The following SAR1B variants were observed in gnomAD, a reference collection of about 807,000 sequenced individuals.
The protein encoded by SAR1B is small COPII coat GTPase SAR1B.
SAR1B carries 23 observed loss-of-function variants against 26.8 expected under a neutral mutation model. That is an observed-to-expected ratio of 0.86 (90% CI 0.62 to 1.22). The LOEUF (loss-of-function observed/expected upper bound fraction) is 1.22, where lower values mean the gene tolerates loss of function less well. SAR1B is among the 50% of genes most tolerant of loss of function. The probability of loss-of-function intolerance (pLI) is 0.00; values close to 1 mark genes in which losing one functional copy is unlikely to be tolerated. For missense variants in SAR1B, 196 were observed against 232.8 expected, an observed-to-expected ratio of 0.84 and a Z score of 1.03; for synonymous variants, 65 against 80.8, an observed-to-expected ratio of 0.80 and a Z score of 1.05.
chr5:134,624,065 G>T, intron 1 of SAR1B, 28 bp from the exon 2 acceptor site: 2 of 1,319,816 alleles, frequency 1.5e-6, no homozygotes, highest in Non-Finnish European at 2.2e-6. Context: ...GAATTTAGTA[G>T]TCAACATTAA....
chr5:134,606,744 G>C lies in SAR1B; in HGVS notation c.*206C>G. On this transcript the variant is annotated 3_prime_UTR_variant, in exon 7 of 7. Transcript: ENST00000402673. ...ACTGTAAAAACCAAGTACTTTTATG[G>C]AATTAGAAAGCTAACATTGTGATAC... 1 of 540,810 alleles carries C rather than the reference G, an allele frequency of 1.8e-6. No individual in the cohort carries two copies. Among genetic ancestry groups the C allele is most frequent in the African/African-American group, 1.9e-5 (1 of 52,530 alleles). The allele number at this position is 540,810 out of a possible 1,614,324, so 33.5% of individuals were successfully genotyped here.
At chr5:134,624,993 A>G (rs1765472002) in intron 1 of SAR1B, among the ~76,000 whole-genome samples, 1 of 152,150 alleles carries the variant, frequency 6.6e-6, no homozygotes. Context: ...AGAAGGAGAT[A>G]GTGGGATGGA....
At chr5:134,630,904 T>C (rs1202684967) in intron 1 of SAR1B, among the ~76,000 whole-genome samples, 1 of 142,494 alleles carries the variant, frequency 7.0e-6, no homozygotes, top group Non-Finnish European at 1.5e-5. Context: ...TTTTTTTTTT[T>C]TTTTTTTTTT....
Position 134,621,852 on chromosome 5 carries a change from T to G in SAR1B, c.59-800A>C, listed in dbSNP as rs369629140. On this transcript the variant is annotated intron_variant, in intron 2 of 6. Coordinates refer to ENST00000402673, the MANE Select transcript of SAR1B (RefSeq NM_016103.4). Reference sequence around the variant, plus strand: ...CCTGGGCTCAAGTGATCCTCCCACCTCAGCCTCCTGAGTAGCTGAGACTAC... The same window carrying G: ...CCTGGGCTCAAGTGATCCTCCCACCGCAGCCTCCTGAGTAGCTGAGACTAC... Among the ~76,000 whole-genome samples, 8 of 152,312 alleles carry G rather than the reference T, an allele frequency of 5.3e-5. No homozygotes were observed. In the South Asian group the frequency reaches 1.7e-3, roughly 32 times the overall value.
At chr5:134,608,325 T>C (rs1380289509) in intron 6 of SAR1B, 47 bp downstream of exon 6, 2 of 1,510,380 alleles carry the variant, frequency 1.3e-6, no homozygotes, top group East Asian at 2.5e-5. Flanking sequence ...AAGACATTTG[T>C]ACTGTAGAAT....
At chr5:134,607,191 G>A in intron 6 of SAR1B, 125 bp from the exon 7 acceptor site, 1 of 763,922 alleles carries the variant, frequency 1.3e-6, no homozygotes, top group East Asian at 2.6e-5. Context: ...CTGTGATAAA[G>A]TCGTGGCTGC....
chr5:134,619,622 C>T lies in SAR1B; in HGVS notation c.178+1311G>A, dbSNP rs533249415. Among the ~76,000 whole-genome samples, 9 of 152,162 alleles carry T rather than the reference C, an allele frequency of 5.9e-5. No homozygotes were observed. In the East Asian group the frequency reaches 1.7e-3, roughly 30 times the overall value. ...CAAGTGATTCTCCTGCCTCAGCCTCCCAAAGTGCTGGGATTACAGACATGA... is the reference window on the plus strand; with the variant it reads ...CAAGTGATTCTCCTGCCTCAGCCTCTCAAAGTGCTGGGATTACAGACATGA... On this transcript the variant is annotated intron_variant, in intron 3 of 6. Coordinates refer to ENST00000402673, the MANE Select transcript of SAR1B (RefSeq NM_016103.4).
chr5:134,630,889 C>CTTTTTTTTTTTTTTTTTTTTT (rs781218368), intron 1 of SAR1B, among the ~76,000 whole-genome samples: 1,376 of 69,114 alleles, frequency 0.02, 25 homozygotes, highest in Non-Finnish European at 0.026. Flanking sequence ...CTTTTTTTTT[C>CTTTTTTTTTTTTTTTTTTTTT]TTTTTTTTTT....
chr5:134,610,491 C>T (rs1303121321), intron 4 of SAR1B, among the ~76,000 whole-genome samples: 2 of 149,450 alleles, frequency 1.3e-5, no homozygotes, highest in Admixed American at 6.8e-5. Context: ...CACCTGAACC[C>T]GGGAGGTGGA....
At position 134,612,908 on chromosome 5, in the gene SAR1B, C is replaced by T. The variant is rs1469334914; in HGVS notation, c.179-152G>A. ...TTAGAAGCAAAATTGATTCAAAGAC[C>T]CGTGCTAACATTCTTAAATATCTGC... On this transcript the variant is annotated intron_variant, in intron 3 of 6. Coordinates refer to ENST00000402673, the MANE Select transcript of SAR1B (RefSeq NM_016103.4). The T allele has an allele frequency of 2.1e-5, 14 of 666,068 alleles. No individual in the cohort carries two copies. In the East Asian group the frequency reaches 3.9e-4, roughly 19 times the overall value. The allele number at this position is 666,068 out of a possible 1,614,324, so 41.3% of individuals were successfully genotyped here. A position where few individuals can be genotyped will look rare whatever the true frequency, so the allele number is the denominator to read the frequency against.
Position 134,623,880 on chromosome 5 carries a change from T to C in SAR1B, c.58+82A>G. The C allele has an allele frequency of 6.4e-6, 6 of 944,762 alleles. No homozygotes were observed. In the South Asian group the frequency reaches 7.9e-5, roughly 12 times the overall value. The allele number at this position is 944,762 out of a possible 1,614,324, so 58.5% of individuals were successfully genotyped here. On this transcript the variant is annotated intron_variant, in intron 2 of 6. Coordinates refer to ENST00000402673, the MANE Select transcript of SAR1B (RefSeq NM_016103.4). Reference sequence around the variant, plus strand: ...CTATTCTTTACTACTGGCTTATCTATAAAGAGACTTGACACAGATAAGCAC... The same window carrying C: ...CTATTCTTTACTACTGGCTTATCTACAAAGAGACTTGACACAGATAAGCAC...
intron 3 of SAR1B, among the ~76,000 whole-genome samples, chr5:134,616,131 GA>G (rs1218921148): frequency 0.018 from 1,231 of 69,448 alleles, 23 homozygotes; most frequent in African/African-American, 0.059. Context: ...CTCCATCTCG[GA>G]AAAAAAAAAA....
intron 3 of SAR1B, among the ~76,000 whole-genome samples, chr5:134,615,277 G>A (rs547191629): frequency 1.1e-3 from 170 of 151,712 alleles, no homozygotes; most frequent in African/African-American, 4.0e-3. Context: ...GAACCCTGGC[G>A]GCAGAGGTTG....
At chr5:134,623,247 C>G (rs995033737) in intron 2 of SAR1B, among the ~76,000 whole-genome samples, 1 of 151,892 alleles carries the variant, frequency 6.6e-6, no homozygotes, top group Non-Finnish European at 1.5e-5. Context: ...TTAAGACCAG[C>G]CTGGCCAACA....
intron 1 of SAR1B, among the ~76,000 whole-genome samples, chr5:134,627,253 A>T (rs1047229022): frequency 6.6e-6 from 1 of 151,630 alleles, no homozygotes; most frequent in Non-Finnish European, 1.5e-5. Context: ...GGGTTTCACC[A>T]TGTTAGCCAG....
At chr5:134,612,320 A>T (rs1038302827) in intron 4 of SAR1B, among the ~76,000 whole-genome samples, 2 of 152,142 alleles carry the variant, frequency 1.3e-5, no homozygotes, top group Non-Finnish European at 2.9e-5. Flanking sequence ...TTTATCGGGG[A>T]GTAATAATCC....
intron 6 of SAR1B, among the ~76,000 whole-genome samples, chr5:134,608,063 A>C (rs1765158112): frequency 6.6e-6 from 1 of 152,238 alleles, no homozygotes; most frequent in Non-Finnish European, 1.5e-5. Flanking sequence ...TGGTATACTT[A>C]AACACTCAAA....
In SAR1B at chr5:134,612,679, A is replaced by AAAAAAAAAAAT; in HGVS notation, c.244+11_244+12insATTTTTTTTTT. On this transcript the variant is annotated intron_variant, in intron 4 of 6. Coordinates refer to ENST00000402673, the MANE Select transcript of SAR1B (RefSeq NM_016103.4). Reference sequence around the variant, plus strand: ...AAAAAAAAAAAAAAAAAAAAAAAAAAAAGAATCTTACCTTGAACATGTCCA... The same window carrying AAAAAAAAAAAT: ...AAAAAAAAAAAAAAAAAAAAAAAAAAAAAAAAAAAATAAGAATCTTACCTTGAACATGTCCA... 7.1e-6 allele frequency: 7 copies of AAAAAAAAAAAT among 991,752 alleles called. No homozygotes were observed. Among genetic ancestry groups the AAAAAAAAAAAT allele is most frequent in the Non-Finnish European group, 9.8e-6 (7 of 712,488 alleles). The allele number at this position is 991,752 out of a possible 1,614,324, so 61.4% of individuals were successfully genotyped here.
intron 4 of SAR1B, among the ~76,000 whole-genome samples, chr5:134,611,583 A>G (rs1765213033): frequency 1.3e-5 from 2 of 152,046 alleles, no homozygotes; most frequent in Non-Finnish European, 2.9e-5. Context: ...TAATTAAAAC[A>G]AAACAAAAAA....
Sources: allele counts gnomAD v4.1 joint callset (sites outside exome capture counted in the v4.1 genomes callset), GRCh38; gene constraint gnomAD v4.1.1; transcripts MANE v1.5; gene names NCBI Gene and HGNC (gene_info 2026-07-23, HGNC 2026-07-21).